SULF1: variants seen among roughly 807,000 people sequenced by gnomAD.
SULF1 encodes the protein sulfatase 1.
In SULF1, 46 loss-of-function variants were observed where a neutral mutation model predicts 110.5. The observed-to-expected ratio is 0.42, with a 90% CI of 0.33 to 0.53. SULF1 has a LOEUF of 0.53. Among genes scored for constraint, SULF1 ranks in the 20% least tolerant of loss-of-function variants. SULF1 has a pLI of 0.12. For missense variants in SULF1, 941 were observed against 1,094.2 expected, an observed-to-expected ratio of 0.86 and a Z score of 1.98; for synonymous variants, 371 against 387.1, an observed-to-expected ratio of 0.96 and a Z score of 0.49.
chr8:69,623,874 G>T, intron 14 of SULF1, 68 bp from the exon 15 acceptor site: 1 of 1,545,438 alleles, frequency 6.5e-7, no homozygotes, highest in Non-Finnish European at 8.8e-7. Context: ...TCTGGACCAG[G>T]TGATCACTTT....
chr8:69,514,328 C>T (rs1202116473), intron 3 of SULF1, among the ~76,000 whole-genome samples: 1 of 152,068 alleles, frequency 6.6e-6, no homozygotes, highest in Non-Finnish European at 1.5e-5. Context: ...ATGGCTGGAG[C>T]AGGAGAAAGG....
intron 15 of SULF1, among the ~76,000 whole-genome samples, chr8:69,624,538 G>A (rs904907937): frequency 2.0e-5 from 3 of 152,184 alleles, no homozygotes; most frequent in Non-Finnish European, 2.9e-5. Flanking sequence ...AGTTACCTTC[G>A]CAGGCATCTA....
At chr8:69,556,645 A>T (rs1815135841) in intron 3 of SULF1, among the ~76,000 whole-genome samples, 1 of 152,220 alleles carries the variant, frequency 6.6e-6, no homozygotes, top group Non-Finnish European at 1.5e-5. Context: ...AAATTTAATG[A>T]AATTTAATGT....
chr8:69,490,291 C>T (rs112348840), upstream of SULF1, among the ~76,000 whole-genome samples: 604 of 151,792 alleles, frequency 4.0e-3, 7 homozygotes, highest in African/African-American at 0.014. Flanking sequence ...TTTGCAGAGA[C>T]GGGGTTTCAT....
intron 3 of SULF1, among the ~76,000 whole-genome samples, chr8:69,560,684 C>A (rs1815420068): frequency 6.6e-6 from 1 of 152,242 alleles, no homozygotes; most frequent in South Asian, 2.1e-4. Context: ...ATCCTTGTCT[C>A]TTCTGTCAAG....
intron 3 of SULF1, among the ~76,000 whole-genome samples, chr8:69,547,153 A>G (rs1814320158): frequency 6.9e-6 from 1 of 145,770 alleles, no homozygotes; most frequent in African/African-American, 2.5e-5. Context: ...ATTTCAGGTT[A>G]TGCTTTCTCA....
rs76792778 is a variant in SULF1 at position 69,506,269 on chromosome 8, C to A, written c.-134+4301C>A. On this transcript the variant is annotated intron_variant, in intron 3 of 22. Transcript: ENST00000402687. ...ACACACACACACACACAATCAATAC[C>A]TCCCTTCACGTAGCCATTCTGTTTA... Among the ~76,000 whole-genome samples the A allele has an allele frequency of 3.1e-3, 472 of 151,038 alleles. 1 individual carries two copies. Among genetic ancestry groups the A allele is most frequent in the African/African-American group, 0.011 (455 of 41,094 alleles).
At chr8:69,488,533 T>G (rs1352887617), upstream of SULF1, among the ~76,000 whole-genome samples, 1 of 152,000 alleles carries the variant, frequency 6.6e-6, no homozygotes, top group Admixed American at 6.6e-5. Flanking sequence ...TTATTTCTAT[T>G]TGGAAATAGC....
intron 13 of SULF1, 145 bp downstream of exon 13, chr8:69,605,077 T>A (rs1808134918): frequency 6.2e-6 from 7 of 1,135,440 alleles, no homozygotes; most frequent in Non-Finnish European, 8.5e-6. Context: ...GAGACACCTC[T>A]CCGCGGACAG....
upstream of SULF1, among the ~76,000 whole-genome samples, chr8:69,489,196 C>T (rs577207735): frequency 9.2e-5 from 14 of 152,334 alleles, no homozygotes; most frequent in South Asian, 2.7e-3. Flanking sequence ...CTCATGTTCC[C>T]TTGACCATGC....
At chr8:69,495,376 A>G (rs1434846495) in intron 1 of SULF1, among the ~76,000 whole-genome samples, 1 of 152,150 alleles carries the variant, frequency 6.6e-6, no homozygotes, top group Non-Finnish European at 1.5e-5. Flanking sequence ...CCTGAGCAAC[A>G]TAGTGAGACC....
At chr8:69,590,110 A>G (rs894280178) in intron 8 of SULF1, among the ~76,000 whole-genome samples, 2 of 152,234 alleles carry the variant, frequency 1.3e-5, no homozygotes, top group African/African-American at 4.8e-5. Flanking sequence ...GTAAGTAACT[A>G]TGCAGGCTCT....
chr8:69,582,358 A>G (rs1446825744), intron 6 of SULF1, among the ~76,000 whole-genome samples: 1 of 152,174 alleles, frequency 6.6e-6, no homozygotes, highest in Non-Finnish European at 1.5e-5. Flanking sequence ...AGGATGGAAA[A>G]TCATTTACAA....
intron 3 of SULF1, among the ~76,000 whole-genome samples, chr8:69,545,591 C>T (rs779014378): frequency 4.6e-5 from 7 of 152,110 alleles, no homozygotes; most frequent in Non-Finnish European, 8.8e-5. Context: ...GCTGCAGAAA[C>T]GCCAGTCATG....
At chr8:69,619,816 C>T (rs868333860) in intron 13 of SULF1, among the ~76,000 whole-genome samples, 4 of 152,156 alleles carry the variant, frequency 2.6e-5, no homozygotes, top group African/African-American at 4.8e-5. Flanking sequence ...GGAACCAGGG[C>T]GAGTCTTTTG....
At chr8:69,619,111 A>G (rs1251333873) in intron 13 of SULF1, among the ~76,000 whole-genome samples, 1 of 152,194 alleles carries the variant, frequency 6.6e-6, no homozygotes, top group Non-Finnish European at 1.5e-5. Flanking sequence ...CGTGGCACAA[A>G]AAACCATAAT....
chr8:69,591,326 G>C (rs569211091), intron 8 of SULF1, among the ~76,000 whole-genome samples: 1 of 151,952 alleles, frequency 6.6e-6, no homozygotes, highest in African/African-American at 2.4e-5. Flanking sequence ...AGGCCGAGGC[G>C]GGCGGATCAC....
chr8:69,547,522 C>A (rs1301893599), intron 3 of SULF1, among the ~76,000 whole-genome samples: 1 of 152,158 alleles, frequency 6.6e-6, no homozygotes, highest in Non-Finnish European at 1.5e-5. Flanking sequence ...TTTCATCTAC[C>A]TTGACTGGCG....
chr8:69,597,571 A>G (rs1411307182), intron 8 of SULF1: 1 of 152,194 alleles, frequency 6.6e-6, no homozygotes, highest in Non-Finnish European at 1.5e-5. Context: ...CGGGAGTCCA[A>G]TTTGAGGCTT....
Sources: gnomAD v4.1 joint callset for allele counts (sites outside exome capture counted in the v4.1 genomes callset) on GRCh38, gnomAD v4.1.1 for gene constraint, MANE v1.5 for transcripts, NCBI Gene and HGNC (gene_info 2026-07-23, HGNC 2026-07-21) for gene names.